BCHE: variants seen among roughly 807,000 people sequenced by gnomAD.
BCHE encodes the protein cholinesterase.
A neutral mutation model predicts 51.3 loss-of-function variants in BCHE; 48 were observed. That is an observed-to-expected ratio of 0.94 (90% CI 0.74 to 1.19). BCHE has a LOEUF of 1.19. Among genes scored for constraint, BCHE ranks in the 50% most tolerant of loss-of-function variants. BCHE has a pLI of 0.00. For missense variants in BCHE, 847 were observed against 708.2 expected, an observed-to-expected ratio of 1.20 and a Z score of -2.23; for synonymous variants, 251 against 238.0, an observed-to-expected ratio of 1.05 and a Z score of -0.50.
Position 165,773,493 on chromosome 3 carries a change from T to G in BCHE, c.1698A>C (p.Glu566Asp), listed in dbSNP as rs1432076865. The change falls in exon 4 of 4, where the codon GAA (glutamate) becomes GAC (aspartate). Residue 566 changes from glutamate to aspartate, a missense_variant. By Grantham distance (45) the Glu-to-Asp change is conservative. Transcript: ENST00000264381. ...ATCCTGCTTTCCACTCCCATTCTGCTTCATCAATATTTCCTGTAAAATATG... is the reference window on the plus strand; with the variant it reads ...ATCCTGCTTTCCACTCCCATTCTGCGTCATCAATATTTCCTGTAAAATATG... ...KVLEMTGNID[E>D]AEWEWKAGFH... The G allele has an allele frequency of 1.2e-6, 2 of 1,605,648 alleles. No homozygotes were observed. Among genetic ancestry groups the G allele is most frequent in the Non-Finnish European group, 1.7e-6 (2 of 1,172,950 alleles).
intron 2 of BCHE, among the ~76,000 whole-genome samples, chr3:165,819,399 G>A (rs904274589): frequency 1.3e-5 from 2 of 151,228 alleles, no homozygotes; most frequent in East Asian, 3.9e-4. Context: ...CTTCTAACTG[G>A]GATTATTTCA....
chr3:165,791,781 C>T (rs1313509839), intron 2 of BCHE, among the ~76,000 whole-genome samples: 4 of 151,782 alleles, frequency 2.6e-5, no homozygotes, highest in African/African-American at 7.3e-5. Context: ...GGTGAAACCC[C>T]GTCTCTACTG....
At chr3:165,826,367 T>A (rs1020850338) in intron 2 of BCHE, among the ~76,000 whole-genome samples, 1 of 152,118 alleles carries the variant, frequency 6.6e-6, no homozygotes. Flanking sequence ...AATTCTATTA[T>A]GCTGAGCAAA....
chr3:165,792,948 G>T (rs868557338), intron 2 of BCHE, among the ~76,000 whole-genome samples: 1 of 151,984 alleles, frequency 6.6e-6, no homozygotes, highest in African/African-American at 2.4e-5. Context: ...TTATTGATTT[G>T]CAAATACTTT....
chr3:165,792,724 G>T (rs1415260822), intron 2 of BCHE, among the ~76,000 whole-genome samples: 1 of 152,102 alleles, frequency 6.6e-6, no homozygotes, highest in Non-Finnish European at 1.5e-5. Flanking sequence ...CCATTTTAAT[G>T]GTTACAAATT....
At chr3:165,813,509 A>G (rs1288787382) in intron 2 of BCHE, among the ~76,000 whole-genome samples, 1 of 151,734 alleles carries the variant, frequency 6.6e-6, no homozygotes, top group Non-Finnish European at 1.5e-5. Context: ...ACAAAATAAT[A>G]TTTATTCTTT....
intron 2 of BCHE, among the ~76,000 whole-genome samples, chr3:165,829,212 G>A (rs1194795197): frequency 6.6e-6 from 1 of 152,000 alleles, no homozygotes; most frequent in South Asian, 2.1e-4. Flanking sequence ...ATTAATTTTA[G>A]TTCTCCAACT....
At chr3:165,817,582 G>A (rs899854320) in intron 2 of BCHE, among the ~76,000 whole-genome samples, 4 of 151,928 alleles carry the variant, frequency 2.6e-5, no homozygotes, top group Admixed American at 6.6e-5. Context: ...CTTAGAGGTT[G>A]TTCTCTCTTC....
Position 165,830,630 on chromosome 3 carries a change from G to A in BCHE, c.404C>T (p.Ala135Val), listed in dbSNP as rs970265625. 1 of 1,613,934 alleles carries A rather than the reference G, an allele frequency of 6.2e-7. No individual in the cohort carries two copies. Among genetic ancestry groups the A allele is most frequent in the Non-Finnish European group, 8.5e-7 (1 of 1,179,942 alleles). The change falls in exon 2 of 4, where the codon GCC becomes GTC. Residue 135 changes from alanine to valine, a missense_variant. By Grantham distance (64) the Ala-to-Val change is moderately conservative. Transcript: ENST00000264381. Reference protein sequence around the residue: ...VWIPAPKPKNATVLIWIYGGG... With the variant: ...VWIPAPKPKNVTVLIWIYGGG... ...ACCATAAATCCATATCAATACAGTG[G>A]CATTTTTTGGTTTAGGTGCTGGAAT...
intron 1 of BCHE, among the ~76,000 whole-genome samples, chr3:165,835,113 T>C (rs1160753369): frequency 6.6e-6 from 1 of 151,862 alleles, no homozygotes; most frequent in Non-Finnish European, 1.5e-5. Context: ...GAGTTTTTGT[T>C]TGGAATTAAG....
Position 165,773,367 on chromosome 3 carries a change from G to T in BCHE, c.*15C>A, listed in dbSNP as rs2108191354. The T allele has an allele frequency of 6.2e-7, 1 of 1,607,086 alleles. No individual in the cohort carries two copies. Among genetic ancestry groups the T allele is most frequent in the Admixed American group, 1.7e-5 (1 of 59,814 alleles). ...TCTAAAGGAAAATATGTTCTATAAA[G>T]GGTAAATCTATTAATTAGAGACCCA... is the stretch of plus-strand genomic sequence containing the variant. On this transcript the variant is annotated 3_prime_UTR_variant, in exon 4 of 4. Coordinates refer to ENST00000264381, the MANE Select transcript of BCHE (RefSeq NM_000055.4).
chr3:165,835,869 G>A (rs1229919307), intron 1 of BCHE, among the ~76,000 whole-genome samples: 2 of 151,844 alleles, frequency 1.3e-5, no homozygotes, highest in Non-Finnish European at 2.9e-5. Context: ...CTCTTAGGTT[G>A]CTATCTATTC....
In BCHE at chr3:165,830,944, A is replaced by T. The variant is rs1380860008; in HGVS notation, c.90T>A (p.Asp30Glu). ...CMLIGKSHTE[D>E]DIIIATKNGK... ...CATTCTTTGTTGCAATTATGATGTCATCTTCAGTATGTGACTTCCCAATAA... is the reference window on the plus strand; with the variant it reads ...CATTCTTTGTTGCAATTATGATGTCTTCTTCAGTATGTGACTTCCCAATAA... Residue 30 changes from aspartate to glutamate, a missense_variant, in exon 2 of 4, where the codon GAT (aspartate) becomes GAA (glutamate). By Grantham distance (45) the Asp-to-Glu change is conservative. Coordinates refer to ENST00000264381, the MANE Select transcript of BCHE (RefSeq NM_000055.4). The T allele has an allele frequency of 1.9e-6, 3 of 1,613,918 alleles. No individual in the cohort carries two copies. The highest frequency in any genetic ancestry group is 2.5e-6 in the Non-Finnish European group (3 of 1,179,898).
Position 165,773,356 on chromosome 3 carries a change from T to G in BCHE, c.*26A>C, listed in dbSNP as rs779722552. 1 of 1,600,586 alleles carries G rather than the reference T, an allele frequency of 6.2e-7. No individual in the cohort carries two copies. The highest frequency in any genetic ancestry group is 8.5e-7 in the Non-Finnish European group (1 of 1,170,420). ...TTTTGCCTTGATCTAAAGGAAAATA[T>G]GTTCTATAAAGGGTAAATCTATTAA... is the stretch of plus-strand genomic sequence containing the variant. On this transcript the variant is annotated 3_prime_UTR_variant, in exon 4 of 4. Transcript: ENST00000264381.
At chr3:165,799,209 T>C (rs907697011) in intron 2 of BCHE, among the ~76,000 whole-genome samples, 1 of 152,202 alleles carries the variant, frequency 6.6e-6, no homozygotes, top group African/African-American at 2.4e-5. Context: ...GCGTTGTGTT[T>C]CCTTCCAAAT....
chr3:165,827,403 T>G (rs1039485746), intron 2 of BCHE, among the ~76,000 whole-genome samples: 1 of 151,544 alleles, frequency 6.6e-6, no homozygotes, highest in Non-Finnish European at 1.5e-5. Flanking sequence ...TTTTATTTAT[T>G]TCCCATTATA....
chr3:165,836,699 A>G (rs1715202101), intron 1 of BCHE, among the ~76,000 whole-genome samples: 1 of 152,262 alleles, frequency 6.6e-6, no homozygotes, highest in South Asian at 2.1e-4. Context: ...AAACAAACAT[A>G]TAAAAAGTGA....
intron 2 of BCHE, among the ~76,000 whole-genome samples, chr3:165,829,247 T>C (rs572693765): frequency 6.6e-6 from 1 of 152,292 alleles, no homozygotes; most frequent in East Asian, 1.9e-4. Flanking sequence ...ATAAAAACTT[T>C]GGCTAACATT....
chr3:165,802,229 G>C lies in BCHE; in HGVS notation c.1518-15918C>G, dbSNP rs149287447. On this transcript the variant is annotated intron_variant, in intron 2 of 3. Coordinates refer to ENST00000264381, the MANE Select transcript of BCHE (RefSeq NM_000055.4). ...TTAATTTGCAATAAGTGATATCAAGGAGACCAAGTTGGTTGAGTATAGTGA... is the reference window on the plus strand; with the variant it reads ...TTAATTTGCAATAAGTGATATCAAGCAGACCAAGTTGGTTGAGTATAGTGA... Among the ~76,000 whole-genome samples, 252 of 152,292 alleles carry C rather than the reference G, an allele frequency of 1.7e-3. 1 individual carries two copies. Among genetic ancestry groups the C allele is most frequent in the African/African-American group, 5.8e-3 (240 of 41,570 alleles).
Sources: gnomAD v4.1 joint callset for allele counts (sites outside exome capture counted in the v4.1 genomes callset) on GRCh38, gnomAD v4.1.1 for gene constraint, MANE v1.5 for transcripts, NCBI Gene and HGNC (gene_info 2026-07-23, HGNC 2026-07-21) for gene names.